ZPBP: variants seen among roughly 807,000 people sequenced by gnomAD.
ZPBP encodes the protein zona pellucida-binding protein 1.
ZPBP carries 26 observed loss-of-function variants against 44.8 expected under a neutral mutation model. That is an observed-to-expected ratio of 0.58 (90% CI 0.43 to 0.81). The LOEUF is 0.81. Among genes scored for constraint, ZPBP ranks in the 30% least tolerant of loss-of-function variants. The pLI is 0.00. For synonymous variants in ZPBP, 174 were observed against 153.2 expected (o/e 1.14, Z -1.00); for missense variants, 409 against 434.0 (o/e 0.94, Z 0.51).
intron 1 of ZPBP, among the ~76,000 whole-genome samples, chr7:49,922,355 G>A (rs552994107): frequency 3.9e-5 from 6 of 152,166 alleles, no homozygotes; most frequent in African/African-American, 7.2e-5. Context: ...GCTCCTCTGC[G>A]CTGGCTTGGA....
Position 50,093,206 on chromosome 7 carries a change from C to G in ZPBP, c.-12G>C, listed in dbSNP as rs1347491204. 2.0e-6 allele frequency: 3 copies of G among 1,513,566 alleles called. No homozygotes were observed. Among genetic ancestry groups the G allele is most frequent in the East Asian group, 2.6e-5 (1 of 38,306 alleles). The allele number at this position is 1,513,566 out of a possible 1,614,324, so 93.8% of individuals were successfully genotyped here. ...GCGAAGGCCTCCATCCACACGCCGC[C>G]GTCGCCTGCCCACCGTCCGCGCGGA... On this transcript the variant is annotated 5_prime_UTR_variant, in exon 1 of 8. Transcript: ENST00000046087.
intron 6 of ZPBP, among the ~76,000 whole-genome samples, chr7:49,991,040 G>C (rs950299415): frequency 1.3e-5 from 2 of 152,154 alleles, no homozygotes; most frequent in Non-Finnish European, 2.9e-5. Flanking sequence ...TTATAAAATA[G>C]AGTTCTTTGA....
chr7:49,849,837 C>G (rs1350445650), downstream of ZPBP, among the ~76,000 whole-genome samples: 1 of 152,204 alleles, frequency 6.6e-6, no homozygotes, highest in African/African-American at 2.4e-5. Context: ...AGATTCTAAC[C>G]TGCGAGGCCA....
chr7:49,963,633 G>C (rs543839104), intron 7 of ZPBP, among the ~76,000 whole-genome samples: 1 of 151,844 alleles, frequency 6.6e-6, no homozygotes, highest in Non-Finnish European at 1.5e-5. Context: ...TGTTAGTTTT[G>C]ATACTTGTCA....
At chr7:49,932,667 T>A (rs1291664274), downstream of ZPBP, among the ~76,000 whole-genome samples, 1 of 152,072 alleles carries the variant, frequency 6.6e-6, no homozygotes, top group East Asian at 1.9e-4. Flanking sequence ...GTTGGGAAGG[T>A]ATGATTGGTT....
intron 2 of ZPBP, among the ~76,000 whole-genome samples, chr7:49,879,325 T>C (rs1337622209): frequency 3.3e-5 from 5 of 152,172 alleles, no homozygotes; most frequent in Non-Finnish European, 7.3e-5. Context: ...TCTTGTCTGA[T>C]CTCATGTGTT....
chr7:49,877,770 C>T (rs1265552589), intron 2 of ZPBP, among the ~76,000 whole-genome samples: 2 of 150,738 alleles, frequency 1.3e-5, no homozygotes, highest in Non-Finnish European at 3.0e-5. Flanking sequence ...TTTATCTAAG[C>T]CATATTATTA....
chr7:49,981,695 A>AT (rs1554361173), intron 7 of ZPBP, among the ~76,000 whole-genome samples: 1 of 42,362 alleles, frequency 2.4e-5, no homozygotes, highest in East Asian at 8.5e-4. Context: ...TAATATATAT[A>AT]ATTATATATA....
At chr7:49,853,425 G>A (rs1346508084) in intron 2 of ZPBP, among the ~76,000 whole-genome samples, 2 of 152,208 alleles carry the variant, frequency 1.3e-5, no homozygotes, top group Non-Finnish European at 2.9e-5. Context: ...TCTGTGCCAG[G>A]AGCTCTGCTG....
chr7:49,929,379 G>GA (rs1444222369), intron 1 of ZPBP, among the ~76,000 whole-genome samples: 1 of 152,170 alleles, frequency 6.6e-6, no homozygotes, highest in East Asian at 1.9e-4. Flanking sequence ...TCCTGCCCCT[G>GA]AAAAATCCAA....
intron 7 of ZPBP, chr7:49,940,851 C>T (rs988430619): frequency 7.0e-5 from 67 of 951,916 alleles, no homozygotes; most frequent in African/African-American, 1.1e-4. Context: ...GTGATGGGTG[C>T]AGTTCCTGAA....
intron 4 of ZPBP, among the ~76,000 whole-genome samples, chr7:50,047,268 A>G (rs1800418912): frequency 6.6e-6 from 1 of 152,152 alleles, no homozygotes; most frequent in African/African-American, 2.4e-5. Context: ...CATGTTCTAC[A>G]CATGTATCCC....
At chr7:49,859,202 T>C (rs752943029) in intron 2 of ZPBP, among the ~76,000 whole-genome samples, 2 of 152,244 alleles carry the variant, frequency 1.3e-5, no homozygotes, top group Non-Finnish European at 2.9e-5. Context: ...TAAAGTCTTC[T>C]TTAAGGGTTT....
chr7:50,002,528 T>C (rs942948991), intron 6 of ZPBP, among the ~76,000 whole-genome samples: 3 of 152,154 alleles, frequency 2.0e-5, no homozygotes, highest in African/African-American at 7.2e-5. Flanking sequence ...CAGCTCATTC[T>C]CATGTATTTA....
Position 50,076,918 on chromosome 7 carries a change from A to G in ZPBP, c.334+4856T>C, listed in dbSNP as rs149750213. On this transcript the variant is annotated intron_variant, in intron 3 of 7. Coordinates refer to ENST00000046087, the MANE Select transcript of ZPBP (RefSeq NM_007009.3). ...ACAACCCTAAAAATTATATGGAACC[A>G]CAGAAGACCCAGGAATAGCCAAAGC... Among the ~76,000 whole-genome samples, 38 of 152,088 alleles carry G rather than the reference A, an allele frequency of 2.5e-4. 3 individuals are homozygous for G. The East Asian group carries it at 7.3e-3, about 29-fold the overall frequency.
intron 6 of ZPBP, among the ~76,000 whole-genome samples, chr7:49,993,952 A>G (rs1448599630): frequency 6.6e-6 from 1 of 152,350 alleles, no homozygotes; most frequent in East Asian, 1.9e-4. Flanking sequence ...GTAGTCACCC[A>G]TGAACATTCA....
intron 4 of ZPBP, among the ~76,000 whole-genome samples, chr7:50,053,244 T>C (rs1053365081): frequency 1.3e-5 from 2 of 152,200 alleles, no homozygotes; most frequent in African/African-American, 4.8e-5. Context: ...TCTACATTTA[T>C]CTCAAAACAA....
intron 2 of ZPBP, among the ~76,000 whole-genome samples, chr7:50,087,807 C>A (rs1802744018): frequency 6.6e-6 from 1 of 151,618 alleles, no homozygotes; most frequent in Non-Finnish European, 1.5e-5. Context: ...GGAAAGACCC[C>A]CCAAGTTCAT....
At chr7:49,966,620 T>G (rs1415139753) in intron 7 of ZPBP, among the ~76,000 whole-genome samples, 2 of 152,152 alleles carry the variant, frequency 1.3e-5, no homozygotes, top group African/African-American at 4.8e-5. Flanking sequence ...TAAGTGAAAT[T>G]ATTAAGCATT....
Sources: allele counts gnomAD v4.1 joint callset (sites outside exome capture counted in the v4.1 genomes callset), GRCh38; gene constraint gnomAD v4.1.1; transcripts MANE v1.5; gene names NCBI Gene and HGNC (gene_info 2026-07-23, HGNC 2026-07-21).